The following YEATS2 variants were observed in gnomAD, a reference collection of about 807,000 sequenced individuals.
YEATS2 encodes the protein YEATS domain-containing protein 2.
YEATS2 carries 77 observed loss-of-function variants against 163.2 expected under a neutral mutation model. The ratio of observed to expected loss-of-function variants is 0.47; its 90% CI spans 0.39 to 0.57. The LOEUF is 0.57. Among genes scored for constraint, YEATS2 ranks in the 20% least tolerant of loss-of-function variants. The pLI, the probability that YEATS2 is intolerant of heterozygous loss-of-function variation, is 0.00. For missense variants in YEATS2, 1,549 were observed against 1,729.8 expected, an observed-to-expected ratio of 0.90 and a Z score of 1.85; for synonymous variants, 631 against 645.1, an observed-to-expected ratio of 0.98 and a Z score of 0.33.
chr3:183,709,977 A>G (rs115887271), intron 1 of YEATS2, among the ~76,000 whole-genome samples: 5,039 of 152,096 alleles, frequency 0.033, 212 homozygotes, highest in East Asian at 0.14. Context: ...ACCATGCCTG[A>G]CCCGAGATAA....
chr3:183,784,777 TAAA>T (rs35365965), intron 19 of YEATS2, among the ~76,000 whole-genome samples: 7 of 135,018 alleles, frequency 5.2e-5, no homozygotes, highest in Admixed American at 7.5e-5. Flanking sequence ...CTCTTGCCAT[TAAA>T]AAAAAAAAAA....
intron 7 of YEATS2, among the ~76,000 whole-genome samples, chr3:183,730,027 A>G (rs997461736): frequency 2.6e-5 from 3 of 114,366 alleles, no homozygotes; most frequent in African/African-American, 9.8e-5. Flanking sequence ...ACACACATAT[A>G]TATTAATTGT....
At chr3:183,745,491 C>T (rs1021981083) in intron 8 of YEATS2, among the ~76,000 whole-genome samples, 1 of 152,130 alleles carries the variant, frequency 6.6e-6, no homozygotes, top group Non-Finnish European at 1.5e-5. Context: ...TCTTCCCCTC[C>T]TCAGATGCTT....
Position 183,745,830 on chromosome 3 carries a change from C to T in YEATS2, c.925-1842C>T, listed in dbSNP as rs548678922. Among the ~76,000 whole-genome samples, 13 of 152,088 alleles carry T rather than the reference C, an allele frequency of 8.5e-5. No individual in the cohort carries two copies. The South Asian group carries it at 2.5e-3, about 29-fold the overall frequency. ...CCTTTTGTCGTAGTGTTTCTTTTTT[C>T]TGTTTTGTTTGTTTGTTTTGAGACA... On this transcript the variant is annotated intron_variant, in intron 8 of 30. Transcript: ENST00000305135.
chr3:183,706,264 A>C (rs1466160193), intron 1 of YEATS2, among the ~76,000 whole-genome samples: 1 of 152,050 alleles, frequency 6.6e-6, no homozygotes, highest in African/African-American at 2.4e-5. Flanking sequence ...AATTGGGAGT[A>C]TATTTGAGGG....
intron 7 of YEATS2, among the ~76,000 whole-genome samples, chr3:183,730,455 C>A (rs1006871337): frequency 6.6e-6 from 1 of 152,124 alleles, no homozygotes; most frequent in Non-Finnish European, 1.5e-5. Flanking sequence ...CCTTTCTTCA[C>A]CCCCGACTCT....
intron 7 of YEATS2, among the ~76,000 whole-genome samples, chr3:183,733,360 C>A (rs262984): frequency 0.41 from 61,614 of 152,014 alleles, 13,130 homozygotes; most frequent in East Asian, 0.65. Flanking sequence ...GGGTCTCATC[C>A]ATATTTGTTT....
Position 183,718,587 on chromosome 3 carries a change from T to C in YEATS2, c.286T>C (p.Ser96Pro). The change falls in exon 4 of 31, where the codon TCT becomes CCT. Residue 96 changes from serine to proline, a missense_variant. Coordinates refer to ENST00000305135, the MANE Select transcript of YEATS2 (RefSeq NM_018023.5). Reference protein sequence around the residue: ...YYASAGLLKVSEGSKTCDTMV... With the variant: ...YYASAGLLKVPEGSKTCDTMV... The stretch of plus-strand genomic sequence containing the variant: ...TGCTTCTGCAGGTCTTCTAAAAGTT[T>C]CTGAGGTAAGCATTCCTCATACCCA... The C allele has an allele frequency of 6.2e-7, 1 of 1,611,140 alleles. No individual in the cohort carries two copies. The highest frequency in any genetic ancestry group is 8.5e-7 in the Non-Finnish European group (1 of 1,178,822).
chr3:183,804,031 G>A lies in YEATS2; in HGVS notation c.3627G>A (p.Leu1209=), dbSNP rs117722758. Residue 1209 remains leucine, a synonymous_variant, in exon 27 of 31, where the codon CTG becomes CTA. Transcript: ENST00000305135. Reference sequence around the variant, plus strand: ...TGCGAAAAGTCTTACAAGAAATCCTGGAGAAGAATCCGAGATTTCACCACC... The same window carrying A: ...TGCGAAAAGTCTTACAAGAAATCCTAGAGAAGAATCCGAGATTTCACCACC... The part of the protein sequence containing the change: ...MTMRKVLQEI[L]EKNPRFHHLT... 8.0e-4 allele frequency: 1,291 copies of A among 1,614,110 alleles called. 24 individuals carry two copies. In the East Asian group the frequency reaches 0.025, roughly 31 times the overall value.
intron 25 of YEATS2, 185 bp from the exon 26 acceptor site, chr3:183,803,071 C>T: frequency 1.6e-6 from 1 of 616,978 alleles, no homozygotes; most frequent in South Asian, 2.0e-5. Flanking sequence ...TTTGAGTACA[C>T]ACGGCAAGAC....
At chr3:183,804,286 G>C (rs1163459510) in intron 27 of YEATS2, 98 bp downstream of exon 27, 1 of 1,447,186 alleles carries the variant, frequency 6.9e-7, no homozygotes, top group East Asian at 2.3e-5. Flanking sequence ...TGTAGAGAAC[G>C]AGAGCCTTTC....
chr3:183,798,720 C>T (rs188079438), intron 22 of YEATS2, among the ~76,000 whole-genome samples, 171 bp from the exon 23 acceptor site: 247 of 152,250 alleles, frequency 1.6e-3, no homozygotes, highest in South Asian at 3.3e-3. Context: ...ATCTCAGTTA[C>T]CCTCATACCT....
Position 183,734,685 on chromosome 3 carries a change from A to T in YEATS2, c.813-2033A>T, listed in dbSNP as rs1463070328. 2.6e-5 allele frequency among the ~76,000 whole-genome samples: 4 copies of T among 152,350 alleles called. No individual in the cohort carries two copies. In the East Asian group the frequency reaches 7.7e-4, roughly 29 times the overall value. Reference sequence around the variant, plus strand: ...TCATTTTGTAATAGAGCTGTTCAGAAATGTAACACAGGGTCTCATGCAGTG... The same window carrying T: ...TCATTTTGTAATAGAGCTGTTCAGATATGTAACACAGGGTCTCATGCAGTG... On this transcript the variant is annotated intron_variant, in intron 7 of 30. Transcript: ENST00000305135.
intron 19 of YEATS2, among the ~76,000 whole-genome samples, chr3:183,780,265 G>A (rs1169050730): frequency 1.3e-5 from 2 of 152,270 alleles, no homozygotes; most frequent in East Asian, 1.9e-4. Flanking sequence ...GGGGCGCAGG[G>A]CATGGAGAAC....
chr3:183,773,841 G>T, intron 17 of YEATS2, 47 bp downstream of exon 17: 1 of 1,557,790 alleles, frequency 6.4e-7, no homozygotes, highest in Non-Finnish European at 8.6e-7. Flanking sequence ...GGTTCTCTAT[G>T]TGTGTTCATC....
chr3:183,785,228 C>T (rs1029874235), intron 19 of YEATS2, among the ~76,000 whole-genome samples: 2 of 151,844 alleles, frequency 1.3e-5, no homozygotes, highest in East Asian at 3.9e-4. Context: ...GGCTTCACGC[C>T]AGTAATCCCA....
At chr3:183,751,959 A>G in intron 9 of YEATS2, 114 bp from the exon 10 acceptor site, 2 of 1,167,554 alleles carry the variant, frequency 1.7e-6, no homozygotes, top group Admixed American at 3.9e-5. Flanking sequence ...TTGCCTTTGA[A>G]GTGTGATTAG....
At chr3:183,779,934 G>A (rs774549686) in intron 19 of YEATS2, among the ~76,000 whole-genome samples, 30 of 151,014 alleles carry the variant, frequency 2.0e-4, no homozygotes, top group Non-Finnish European at 3.2e-4. Flanking sequence ...TTGACCTCGT[G>A]ATCTGCCCGC....
At chr3:183,715,444 A>T (rs1373514733) in intron 2 of YEATS2, among the ~76,000 whole-genome samples, 182 bp downstream of exon 2, 1 of 152,208 alleles carries the variant, frequency 6.6e-6, no homozygotes, top group African/African-American at 2.4e-5. Context: ...AAGTGGAAGA[A>T]GATCTGGCAG....
Sources: gnomAD v4.1 joint callset for allele counts (sites outside exome capture counted in the v4.1 genomes callset) on GRCh38, gnomAD v4.1.1 for gene constraint, MANE v1.5 for transcripts, NCBI Gene and HGNC (gene_info 2026-07-23, HGNC 2026-07-21) for gene names.